GALNS: variants seen among roughly 807,000 people sequenced by gnomAD.
GALNS encodes N-acetylgalactosamine-6-sulfatase.
A neutral mutation model predicts 65.9 loss-of-function variants in GALNS; 65 were observed. That is an observed-to-expected ratio of 0.99 (90% CI 0.81 to 1.21). The LOEUF is 1.21. GALNS is among the 50% of genes most tolerant of loss of function. The probability of loss-of-function intolerance (pLI) is 0.00; values close to 1 mark genes in which losing one functional copy is unlikely to be tolerated. For synonymous variants in GALNS, 346 were observed against 288.9 expected, an observed-to-expected ratio of 1.20 and a Z score of -2.00; for missense variants, 776 against 700.7, an observed-to-expected ratio of 1.11 and a Z score of -1.21.
chr16:88,835,764 T>C lies in GALNS; in HGVS notation c.719A>G (p.Tyr240Cys), dbSNP rs752039956. ...WAVDATHAPV[Y>C]ASKPFLGTSQ... ...GGTGCCCAAGAAGGGTTTGGAGGCATAGACGGGTGCGTGCGTGGCGTCGAC... is the reference window on the plus strand; with the variant it reads ...GGTGCCCAAGAAGGGTTTGGAGGCACAGACGGGTGCGTGCGTGGCGTCGAC... The change falls in exon 7 of 14, where the codon TAT (tyrosine) becomes TGT (cysteine). Residue 240 changes from tyrosine (Y) to cysteine (C), a missense_variant. Physicochemically the swap from Tyr to Cys is radical, Grantham distance 194. Coordinates refer to ENST00000268695, the MANE Select transcript of GALNS (RefSeq NM_000512.5). The C allele has an allele frequency of 1.2e-5, 20 of 1,614,116 alleles. No individual in the cohort carries two copies. The highest frequency in any genetic ancestry group is 1.7e-5 in the Non-Finnish European group (20 of 1,180,034).
intron 1 of GALNS, among the ~76,000 whole-genome samples, chr16:88,851,975 G>A (rs530496584): frequency 6.6e-4 from 101 of 152,332 alleles, no homozygotes; most frequent in Non-Finnish European, 1.1e-3. Flanking sequence ...AGACTTAAAC[G>A]TCCCCGTCTG....
chr16:88,820,881 T>C (rs1910139651), intron 12 of GALNS, among the ~76,000 whole-genome samples: 2 of 152,074 alleles, frequency 1.3e-5, no homozygotes, highest in East Asian at 1.9e-4. Context: ...CAGCAGCTTG[T>C]TCTGTGTAAC....
At chr16:88,817,265 T>C (rs571856118) in intron 13 of GALNS, 33 of 985,436 alleles carry the variant, frequency 3.3e-5, no homozygotes, top group East Asian at 2.3e-4. Flanking sequence ...GACGCATCCT[T>C]TGTGGCCTGA....
At chr16:88,833,741 C>T (rs941755920) in intron 8 of GALNS, among the ~76,000 whole-genome samples, 5 of 152,202 alleles carry the variant, frequency 3.3e-5, no homozygotes, top group Non-Finnish European at 5.9e-5. Flanking sequence ...TGAGCCACCA[C>T]GCCCAGCCCC....
chr16:88,829,299 G>C (rs1911248697), intron 9 of GALNS, among the ~76,000 whole-genome samples: 1 of 152,204 alleles, frequency 6.6e-6, no homozygotes, highest in Non-Finnish European at 1.5e-5. Flanking sequence ...TGGCGCTCAG[G>C]GGAGTGGAGG....
chr16:88,848,763 G>A (rs1008581324), intron 1 of GALNS, among the ~76,000 whole-genome samples: 1 of 152,144 alleles, frequency 6.6e-6, no homozygotes, highest in Non-Finnish European at 1.5e-5. Context: ...CCGGGGGCGG[G>A]GGTGGCAGCG....
At chr16:88,845,350 C>CA (rs1317502011) in intron 1 of GALNS, 2 of 151,562 alleles carry the variant, frequency 1.3e-5, no homozygotes, top group African/African-American at 2.4e-5. Flanking sequence ...GACTCCGTCC[C>CA]AAAACCACAA....
Position 88,842,542 on chromosome 16 carries a change from G to A in GALNS, c.244+164C>T. On this transcript the variant is annotated intron_variant, in intron 2 of 13. Coordinates refer to ENST00000268695, the MANE Select transcript of GALNS (RefSeq NM_000512.5). The stretch of plus-strand genomic sequence containing the variant: ...CGCACCCCACATGGCACGGAGCCGG[G>A]CTGGGATTTGATGAGAAAGGCCTGA... 6.0e-6 allele frequency: 5 copies of A among 836,862 alleles called. No individual in the cohort carries two copies. In the South Asian group the frequency reaches 7.0e-5, roughly 12 times the overall value. The allele number at this position is 836,862 out of a possible 1,614,324, so 51.8% of individuals were successfully genotyped here.
rs995951836 is a variant in GALNS at position 88,816,749 on chromosome 16, C to T, written c.1482+1258G>A. On this transcript the variant is annotated intron_variant, in intron 13 of 13. Transcript: ENST00000268695. ...TTCCCACGGCACGGCGGGCACCCAGCGGCTCCCACGCTGCAGCCGGGTCTG... is the reference window on the plus strand; with the variant it reads ...TTCCCACGGCACGGCGGGCACCCAGTGGCTCCCACGCTGCAGCCGGGTCTG... 8 of 985,320 alleles carry T rather than the reference C, an allele frequency of 8.1e-6. No homozygotes were observed. In the Middle Eastern group the frequency reaches 1.5e-3, roughly 191 times the overall value. 61.0% of individuals were successfully genotyped at this position (985,320 alleles called of 1,614,324 possible).
At chr16:88,836,177 C>T (rs753795656) in intron 6 of GALNS, 24 bp downstream of exon 6, 7 of 1,609,004 alleles carry the variant, frequency 4.4e-6, no homozygotes, top group Admixed American at 1.7e-5. Flanking sequence ...TCCCACAGGG[C>T]GAGGATGGTG....
chr16:88,834,029 C>A (rs1911805385), intron 8 of GALNS, among the ~76,000 whole-genome samples: 1 of 152,000 alleles, frequency 6.6e-6, no homozygotes, highest in Admixed American at 6.5e-5. Context: ...CCCCACCCAG[C>A]ACCCTGCCTC....
In GALNS at chr16:88,833,651, C is replaced by T. The variant is rs1395440839; in HGVS notation, c.899-1550G>A. Among the ~76,000 whole-genome samples, 4 of 151,904 alleles carry T rather than the reference C, an allele frequency of 2.6e-5. No homozygotes were observed. The East Asian group carries it at 5.8e-4, about 22-fold the overall frequency. On this transcript the variant is annotated intron_variant, in intron 8 of 13. Transcript: ENST00000268695. ...TTTTTCAGTAGAGATGGGGTTTCAC[C>T]GTGTTAGCCAGGATGGTCTCGACCT...
intron 12 of GALNS, among the ~76,000 whole-genome samples, chr16:88,818,602 T>A (rs953590471): frequency 1.5e-4 from 22 of 151,652 alleles, no homozygotes; most frequent in Non-Finnish European, 1.5e-5. Context: ...AGCTGCGGAG[T>A]GTTTGGATTC....
chr16:88,846,075 C>A (rs2143007224), intron 1 of GALNS, among the ~76,000 whole-genome samples: 1 of 152,262 alleles, frequency 6.6e-6, no homozygotes, highest in East Asian at 1.9e-4. Context: ...ATGTATAACC[C>A]ATTATGCCAA....
intron 1 of GALNS, chr16:88,845,133 G>A (rs1271018991): frequency 6.6e-6 from 1 of 152,080 alleles, no homozygotes; most frequent in Non-Finnish European, 1.5e-5. Flanking sequence ...GGATCACCAG[G>A]TCAGGAGATC....
chr16:88,853,090 GA>G (rs1363455638), intron 1 of GALNS, among the ~76,000 whole-genome samples: 1 of 151,330 alleles, frequency 6.6e-6, no homozygotes, highest in African/African-American at 2.4e-5. Context: ...GTCTCCACTA[GA>G]AATACAAAAA....
At chr16:88,822,760 G>A (rs747836325) in intron 11 of GALNS, 50 bp from the exon 12 acceptor site, 44 of 1,600,476 alleles carry the variant, frequency 2.7e-5, no homozygotes, top group East Asian at 1.6e-4. Flanking sequence ...ACCTGCGGCC[G>A]TGAGGGGCCT....
intron 1 of GALNS, chr16:88,855,059 C>T (rs1193495176): frequency 1.3e-5 from 5 of 393,860 alleles, no homozygotes; most frequent in Non-Finnish European, 2.5e-5. Context: ...CCTATGGAAA[C>T]GTAGGGTGAG....
At chr16:88,825,329 G>A (rs114045060) in intron 10 of GALNS, among the ~76,000 whole-genome samples, 1,901 of 126,808 alleles carry the variant, frequency 0.015, 24 homozygotes, top group East Asian at 0.019. Flanking sequence ...TATCTGGGGT[G>A]CCTGGGTGTC....
Sources: allele counts gnomAD v4.1 joint callset (sites outside exome capture counted in the v4.1 genomes callset), GRCh38; gene constraint gnomAD v4.1.1; transcripts MANE v1.5; gene names NCBI Gene and HGNC (gene_info 2026-07-23, HGNC 2026-07-21).